NEDD4L: variants seen among roughly 807,000 people sequenced by gnomAD.
NEDD4L encodes NEDD4 like E3 ubiquitin protein ligase, also known as E3 ubiquitin-protein ligase NEDD4-like.
In NEDD4L, 54 loss-of-function variants were observed where a neutral mutation model predicts 148.9. The observed-to-expected ratio is 0.36, with a 90% CI of 0.29 to 0.45. NEDD4L has a LOEUF of 0.45. Among genes scored for constraint, NEDD4L ranks in the 20% least tolerant of loss-of-function variants. The pLI, the probability that NEDD4L is intolerant of heterozygous loss-of-function variation, is 1.00. For missense variants in NEDD4L, 856 were observed against 1,233.8 expected (o/e 0.69, Z 4.59); for synonymous variants, 433 against 440.7 (o/e 0.98, Z 0.22).
intron 1 of NEDD4L, among the ~76,000 whole-genome samples, chr18:58,155,186 A>G (rs1276333885): frequency 6.6e-6 from 1 of 151,524 alleles, no homozygotes; most frequent in Non-Finnish European, 1.5e-5. Flanking sequence ...CCCATTTGTC[A>G]TTTTAGTTTT....
At chr18:58,062,987 C>CAA (rs74183234) in intron 1 of NEDD4L, among the ~76,000 whole-genome samples, 26 of 94,010 alleles carry the variant, frequency 2.8e-4, no homozygotes, top group African/African-American at 1.1e-3. Flanking sequence ...AACTCCATCT[C>CAA]AAAAAAAAAA....
At chr18:58,078,126 T>C (rs1297745866) in intron 1 of NEDD4L, among the ~76,000 whole-genome samples, 3 of 151,516 alleles carry the variant, frequency 2.0e-5, no homozygotes, top group Non-Finnish European at 4.4e-5. Flanking sequence ...AATGAATTTT[T>C]AAGAGCCAAA....
At chr18:58,182,372 T>G (rs1188291305) in intron 2 of NEDD4L, among the ~76,000 whole-genome samples, 1 of 151,964 alleles carries the variant, frequency 6.6e-6, no homozygotes, top group Non-Finnish European at 1.5e-5. Context: ...GAGGGAGGCA[T>G]TTAGGGAGAA....
chr18:58,101,324 C>G (rs1409308485), intron 1 of NEDD4L, among the ~76,000 whole-genome samples: 1 of 152,142 alleles, frequency 6.6e-6, no homozygotes, highest in Non-Finnish European at 1.5e-5. Flanking sequence ...TTCAGCGTGG[C>G]CCAGCTGTGT....
intron 1 of NEDD4L, chr18:58,149,378 T>G (rs2034433610): frequency 4.2e-6 from 6 of 1,437,142 alleles, no homozygotes; most frequent in Non-Finnish European, 5.5e-6. Flanking sequence ...TTCCTGGGAG[T>G]CAAGTTAAAA....
intron 1 of NEDD4L, among the ~76,000 whole-genome samples, chr18:58,117,411 A>G (rs1414474095): frequency 6.6e-6 from 1 of 152,126 alleles, no homozygotes; most frequent in Admixed American, 6.5e-5. Context: ...GTTAATCTTT[A>G]TTTACGGGAA....
intron 1 of NEDD4L, among the ~76,000 whole-genome samples, chr18:58,106,603 A>C: frequency 6.6e-6 from 1 of 152,188 alleles, no homozygotes; most frequent in East Asian, 1.9e-4. Context: ...TAAAGGGGTT[A>C]GTGAAGGACC....
chr18:58,391,042 T>A (rs2049765267), intron 29 of NEDD4L, among the ~76,000 whole-genome samples: 1 of 151,868 alleles, frequency 6.6e-6, no homozygotes, highest in Non-Finnish European at 1.5e-5. Context: ...TTTTGTAGGG[T>A]CATTTATATG....
At chr18:58,278,730 C>T (rs960325901) in intron 5 of NEDD4L, among the ~76,000 whole-genome samples, 2 of 152,184 alleles carry the variant, frequency 1.3e-5, no homozygotes, top group African/African-American at 4.8e-5. Context: ...TTCCTACCTC[C>T]ATCATTGTGC....
At chr18:58,308,499 T>C (rs774655699) in intron 5 of NEDD4L, among the ~76,000 whole-genome samples, 8 of 152,204 alleles carry the variant, frequency 5.3e-5, no homozygotes, top group Non-Finnish European at 7.3e-5. Context: ...TTCCCTCCTC[T>C]GAAAAGGTAC....
intron 2 of NEDD4L, among the ~76,000 whole-genome samples, chr18:58,169,717 C>T (rs1308828113): frequency 6.6e-6 from 1 of 152,230 alleles, no homozygotes; most frequent in East Asian, 1.9e-4. Context: ...TTCTGCTGTC[C>T]CCTTTCCCAA....
At chr18:58,133,355 A>G (rs983820947) in intron 1 of NEDD4L, among the ~76,000 whole-genome samples, 11 of 152,230 alleles carry the variant, frequency 7.2e-5, no homozygotes, top group African/African-American at 2.7e-4. Flanking sequence ...CTGTAGCCCC[A>G]CAATGAATCT....
intron 5 of NEDD4L, among the ~76,000 whole-genome samples, chr18:58,311,230 A>T (rs542245605): frequency 1.6e-4 from 24 of 152,350 alleles, no homozygotes; most frequent in African/African-American, 5.3e-4. Flanking sequence ...CCTGTGTTTT[A>T]TGTGAGGCAC....
At chr18:58,143,843 G>A (rs529134747) in intron 1 of NEDD4L, among the ~76,000 whole-genome samples, 1 of 152,300 alleles carries the variant, frequency 6.6e-6, no homozygotes, top group East Asian at 1.9e-4. Flanking sequence ...ACAGCTACGT[G>A]CTAGGTTGTC....
At chr18:58,233,302 TG>T (rs1226837249) in intron 2 of NEDD4L, among the ~76,000 whole-genome samples, 1 of 152,218 alleles carries the variant, frequency 6.6e-6, no homozygotes, top group African/African-American at 2.4e-5. Context: ...TACCCAAGAC[TG>T]GGTCATTTAT....
chr18:58,115,195 G>C (rs1409669274), intron 1 of NEDD4L, among the ~76,000 whole-genome samples: 1 of 151,472 alleles, frequency 6.6e-6, no homozygotes, highest in East Asian at 1.9e-4. Context: ...GTATTTGCCT[G>C]AGATGTTTTT....
intron 2 of NEDD4L, among the ~76,000 whole-genome samples, chr18:58,241,771 A>C (rs1019745132): frequency 1.3e-5 from 2 of 151,982 alleles, no homozygotes; most frequent in Non-Finnish European, 2.9e-5. Flanking sequence ...TATAGTAGGC[A>C]CTCAGGAAAT....
intron 1 of NEDD4L, among the ~76,000 whole-genome samples, chr18:58,134,807 C>T (rs1856851232): frequency 7.0e-6 from 1 of 142,952 alleles, no homozygotes; most frequent in Admixed American, 7.2e-5. Context: ...GAACCTGAGG[C>T]GAATGAAGGG....
Position 58,193,476 on chromosome 18 carries a change from A to G in NEDD4L, c.122+27615A>G, listed in dbSNP as rs2040333872. 5.3e-5 allele frequency among the ~76,000 whole-genome samples: 8 copies of G among 149,808 alleles called. No homozygotes were observed. The South Asian group carries it at 1.7e-3, about 33-fold the overall frequency. On this transcript the variant is annotated intron_variant, in intron 2 of 30. Transcript: ENST00000400345. Reference sequence around the variant, plus strand: ...AGCCCTCATCACAGCTGCCTGTAAAACCCAGATTTATTCTCTTCCCCCTGA... The same window carrying G: ...AGCCCTCATCACAGCTGCCTGTAAAGCCCAGATTTATTCTCTTCCCCCTGA...
Sources: allele counts gnomAD v4.1 joint callset (sites outside exome capture counted in the v4.1 genomes callset), GRCh38; gene constraint gnomAD v4.1.1; transcripts MANE v1.5; gene names NCBI Gene and HGNC (gene_info 2026-07-23, HGNC 2026-07-21).